SH3D19: variants seen among roughly 807,000 people sequenced by gnomAD.
The protein encoded by SH3D19 is SH3 domain containing 19.
SH3D19 carries 58 observed loss-of-function variants against 112.1 expected under a neutral mutation model. That is an observed-to-expected ratio of 0.52 (90% CI 0.42 to 0.64). The LOEUF is 0.64. Ranked by LOEUF, SH3D19 falls within the 30% of genes least tolerant of loss-of-function variation. The probability of loss-of-function intolerance (pLI) is 0.00; values close to 1 mark genes in which losing one functional copy is unlikely to be tolerated. For synonymous variants in SH3D19, 391 were observed against 448.5 expected (o/e 0.87, Z 1.62); for missense variants, 1,090 against 1,263.4 (o/e 0.86, Z 2.08).
chr4:151,199,307 C>G (rs965974470), intron 2 of SH3D19, among the ~76,000 whole-genome samples: 13 of 152,076 alleles, frequency 8.5e-5, no homozygotes, highest in Non-Finnish European at 4.4e-5. Flanking sequence ...CCCAAACAAA[C>G]AGTTCTGTTT....
chr4:151,121,223 A>G lies in SH3D19; in HGVS notation c.*868T>C, dbSNP rs1747935669. On this transcript the variant is annotated 3_prime_UTR_variant, in exon 20 of 20. Coordinates refer to ENST00000604030, the MANE Select transcript of SH3D19 (RefSeq NM_001378122.1). Reference sequence around the variant, plus strand: ...ATAATGTACTACTATAACAAGACACAGTTTTTATATATTACTGGAATAATG... The same window carrying G: ...ATAATGTACTACTATAACAAGACACGGTTTTTATATATTACTGGAATAATG... 1 of 152,634 alleles carries G rather than the reference A, an allele frequency of 6.6e-6. No individual in the cohort carries two copies. The highest frequency in any genetic ancestry group is 2.4e-5 in the African/African-American group (1 of 41,446). 9.5% of individuals were successfully genotyped at this position (152,634 alleles called of 1,614,324 possible). A position where few individuals can be genotyped will look rare whatever the true frequency, so the allele number is the denominator to read the frequency against.
At chr4:151,217,461 T>G (rs1767310907) in intron 2 of SH3D19, among the ~76,000 whole-genome samples, 1 of 152,186 alleles carries the variant, frequency 6.6e-6, no homozygotes, top group Admixed American at 6.5e-5. Flanking sequence ...GCTACAAATA[T>G]TCTGCATGTT....
chr4:151,239,777 A>G (rs1770417366), intron 1 of SH3D19, among the ~76,000 whole-genome samples: 1 of 152,262 alleles, frequency 6.6e-6, no homozygotes, highest in Admixed American at 6.5e-5. Flanking sequence ...GGTCCATATC[A>G]TTCATTCTTT....
intron 1 of SH3D19, among the ~76,000 whole-genome samples, chr4:151,241,743 T>A (rs1456295969): frequency 1.3e-5 from 2 of 151,828 alleles, no homozygotes; most frequent in Admixed American, 6.6e-5. Context: ...GAATTATATC[T>A]AATAAAGCTG....
At chr4:151,147,751 C>T (rs1006531507) in intron 11 of SH3D19, among the ~76,000 whole-genome samples, 171 bp downstream of exon 11, 2 of 152,238 alleles carry the variant, frequency 1.3e-5, no homozygotes, top group African/African-American at 4.8e-5. Context: ...GTGTGAGCCA[C>T]TGTGCCCAAC....
At chr4:151,203,905 A>G (rs907258425) in intron 2 of SH3D19, among the ~76,000 whole-genome samples, 2 of 152,188 alleles carry the variant, frequency 1.3e-5, no homozygotes, top group Admixed American at 6.5e-5. Flanking sequence ...AATTTATTTC[A>G]TCATAATAAT....
At chr4:151,229,540 G>A (rs1361368220) in intron 1 of SH3D19, among the ~76,000 whole-genome samples, 2 of 152,068 alleles carry the variant, frequency 1.3e-5, no homozygotes, top group African/African-American at 4.8e-5. Flanking sequence ...TCCATTCCCT[G>A]TCCCTCTCAT....
intron 2 of SH3D19, among the ~76,000 whole-genome samples, chr4:151,213,842 G>A (rs556199669): frequency 6.6e-6 from 1 of 151,390 alleles, no homozygotes; most frequent in Non-Finnish European, 1.5e-5. Flanking sequence ...GCATGCCACC[G>A]TGACTGGCTA....
chr4:151,242,096 CAGG>C (rs1770602962), intron 1 of SH3D19, among the ~76,000 whole-genome samples: 1 of 151,502 alleles, frequency 6.6e-6, no homozygotes, highest in South Asian at 2.1e-4. Context: ...GAGGCTGAGG[CAGG>C]AGAATTGCTT....
At chr4:151,268,831 A>T (rs1426746723) in intron 1 of SH3D19, among the ~76,000 whole-genome samples, 5 of 150,728 alleles carry the variant, frequency 3.3e-5, no homozygotes, top group African/African-American at 7.3e-5. Flanking sequence ...TTCTTAATCC[A>T]GTCTATCATT....
At chr4:151,252,060 T>TCCTACACAGGAA (rs1771455602) in intron 1 of SH3D19, among the ~76,000 whole-genome samples, 2 of 152,194 alleles carry the variant, frequency 1.3e-5, no homozygotes, top group Admixed American at 1.3e-4. Context: ...TCCGTCTGTG[T>TCCTACACAGGAA]TCCAATCTAA....
rs9685310 is a variant in SH3D19 at position 151,302,872 on chromosome 4, G to A, written c.112+22369C>T. Among the ~76,000 whole-genome samples the A allele has an allele frequency of 4.2e-3, 634 of 151,504 alleles. 4 individuals carry two copies. The highest frequency in any genetic ancestry group is 0.013 in the African/African-American group (553 of 41,272). On this transcript the variant is annotated intron_variant, in intron 1 of 19. Coordinates refer to ENST00000604030, the MANE Select transcript of SH3D19 (RefSeq NM_001378122.1). Reference sequence around the variant, plus strand: ...ATCACACACCGGGGCCTGTCGTGGGGTGGGGGAAGGGGGGAGGGATAGCAT... The same window carrying A: ...ATCACACACCGGGGCCTGTCGTGGGATGGGGGAAGGGGGGAGGGATAGCAT...
At chr4:151,259,315 GACAC>G (rs1451834180) in intron 1 of SH3D19, among the ~76,000 whole-genome samples, 6 of 152,192 alleles carry the variant, frequency 3.9e-5, no homozygotes, top group African/African-American at 1.2e-4. Context: ...AGTCAAGTAA[GACAC>G]TTCAGGCAGA....
chr4:151,239,968 A>G (rs1473226049), intron 1 of SH3D19, among the ~76,000 whole-genome samples: 2 of 152,204 alleles, frequency 1.3e-5, no homozygotes, highest in African/African-American at 2.4e-5. Flanking sequence ...AAATTCTGCT[A>G]TGGAAAAAAC....
At chr4:151,157,938 A>T (rs1756421280) in intron 9 of SH3D19, among the ~76,000 whole-genome samples, 1 of 152,234 alleles carries the variant, frequency 6.6e-6, no homozygotes, top group Non-Finnish European at 1.5e-5. Context: ...GAGGCTGGGA[A>T]GGGTAGAAAG....
chr4:151,163,152 C>T (rs750400668), intron 8 of SH3D19, among the ~76,000 whole-genome samples: 5 of 152,186 alleles, frequency 3.3e-5, no homozygotes, highest in Non-Finnish European at 7.3e-5. Context: ...TCCTCTGACT[C>T]CACCAGTAGA....
Position 151,175,011 on chromosome 4 carries a change from T to G in SH3D19, c.1193A>C (p.Glu398Ala), listed in dbSNP as rs753558636. The G allele has an allele frequency of 1.2e-6, 2 of 1,614,198 alleles. No homozygotes were observed. The highest frequency in any genetic ancestry group is 1.7e-5 in the Admixed American group (1 of 60,022). Reference protein sequence around the residue: ...NPGLIRSVNPEIPGRGPLAES... With the variant: ...NPGLIRSVNPAIPGRGPLAES... ...AGCCAGGGGCCCTCTTCCCGGAATC[T>G]CAGGATTAACACTTCGTATAAGGCC... The change falls in exon 7 of 20, where the codon GAG becomes GCG. Residue 398 changes from glutamate (E) to alanine (A), a missense_variant. Glu to Ala is a moderately radical substitution (Grantham distance 107). Coordinates refer to ENST00000604030, the MANE Select transcript of SH3D19 (RefSeq NM_001378122.1).
chr4:151,260,836 T>G (rs1772323165), intron 1 of SH3D19, among the ~76,000 whole-genome samples: 1 of 152,230 alleles, frequency 6.6e-6, no homozygotes, highest in Admixed American at 6.5e-5. Flanking sequence ...CTGTCTGGAA[T>G]GCTTTTATCG....
At chr4:151,144,342 G>A in intron 11 of SH3D19, 6 of 1,519,890 alleles carry the variant, frequency 3.9e-6, no homozygotes, top group Non-Finnish European at 5.5e-6. Flanking sequence ...CTCCTCTTAA[G>A]TTGCTGATCA....
Sources: allele counts gnomAD v4.1 joint callset (sites outside exome capture counted in the v4.1 genomes callset), GRCh38; gene constraint gnomAD v4.1.1; transcripts MANE v1.5; gene names NCBI Gene and HGNC (gene_info 2026-07-23, HGNC 2026-07-21).